HCRTR2: variants seen among roughly 807,000 people sequenced by gnomAD.
HCRTR2 encodes orexin receptor type 2.
Under a neutral mutation model 49.0 loss-of-function variants are expected in HCRTR2, and 22 were observed. The observed-to-expected ratio is 0.45, with a 90% CI of 0.32 to 0.64. The LOEUF (loss-of-function observed/expected upper bound fraction) is 0.64, where lower values mean the gene tolerates loss of function less well. Among genes scored for constraint, HCRTR2 ranks in the 30% least tolerant of loss-of-function variants. The pLI is 0.04. For synonymous variants in HCRTR2, 236 were observed against 205.3 expected (o/e 1.15, Z -1.28); for missense variants, 491 against 559.4 (o/e 0.88, Z 1.23).
At chr6:55,176,598 C>A (rs66476116) in intron 1 of HCRTR2, among the ~76,000 whole-genome samples, 24,847 of 152,066 alleles carry the variant, frequency 0.16, 2,334 homozygotes, top group Non-Finnish European at 0.22. Flanking sequence ...CCTTAAATAT[C>A]AAAATAACCC....
chr6:55,196,551 T>C (rs1027757397), intron 1 of HCRTR2, among the ~76,000 whole-genome samples: 1 of 152,184 alleles, frequency 6.6e-6, no homozygotes, highest in Admixed American at 6.5e-5. Context: ...AGAACCATGA[T>C]ACTAGTTTTA....
chr6:55,219,021 G>A (rs1361712995), intron 1 of HCRTR2, among the ~76,000 whole-genome samples: 4 of 152,048 alleles, frequency 2.6e-5, no homozygotes, highest in East Asian at 3.9e-4. Flanking sequence ...ATGAAGTCTC[G>A]TATATTGCCC....
At chr6:55,263,978 T>A in intron 4 of HCRTR2, 156 bp downstream of exon 4, 2 of 651,634 alleles carry the variant, frequency 3.1e-6, no homozygotes, top group Non-Finnish European at 5.5e-6. Flanking sequence ...TTCATAAAAG[T>A]ATTATATTGT....
At chr6:55,209,428 G>C (rs1237197297) in intron 1 of HCRTR2, among the ~76,000 whole-genome samples, 1 of 152,098 alleles carries the variant, frequency 6.6e-6, no homozygotes, top group Non-Finnish European at 1.5e-5. Context: ...TCATTGTTTT[G>C]GTTTTTGTTT....
chr6:55,203,782 C>T (rs1472899253), intron 1 of HCRTR2, among the ~76,000 whole-genome samples: 1 of 151,736 alleles, frequency 6.6e-6, no homozygotes, highest in Non-Finnish European at 1.5e-5. Context: ...ATACGAGTAA[C>T]AGTAAGAAAT....
intron 1 of HCRTR2, among the ~76,000 whole-genome samples, chr6:55,156,863 C>A (rs1289416943): frequency 6.6e-6 from 1 of 152,002 alleles, no homozygotes; most frequent in Non-Finnish European, 1.5e-5. Flanking sequence ...ATTCCACAGA[C>A]TAGGAATAGA....
chr6:55,187,819 C>T (rs1264399836), intron 1 of HCRTR2, among the ~76,000 whole-genome samples: 1 of 151,904 alleles, frequency 6.6e-6, no homozygotes. Context: ...CTCTGTCTCC[C>T]AGACTGGAGT....
At chr6:55,240,724 C>A in intron 1 of HCRTR2, 2 of 372,230 alleles carry the variant, frequency 5.4e-6, no homozygotes, top group South Asian at 2.0e-5. Flanking sequence ...AGATAATACT[C>A]CTGGTCAGCT....
intron 1 of HCRTR2, among the ~76,000 whole-genome samples, chr6:55,237,109 G>T (rs1766228847): frequency 6.6e-6 from 1 of 151,532 alleles, no homozygotes. Context: ...TGTGTTTCCA[G>T]TTCACATATT....
intron 1 of HCRTR2, among the ~76,000 whole-genome samples, chr6:55,150,826 G>A (rs1206597163): frequency 6.6e-6 from 1 of 151,876 alleles, no homozygotes; most frequent in Non-Finnish European, 1.5e-5. Context: ...TTGAAATTCT[G>A]ATTTCAATTC....
At chr6:55,221,022 A>G (rs1212103692) in intron 1 of HCRTR2, among the ~76,000 whole-genome samples, 1 of 152,234 alleles carries the variant, frequency 6.6e-6, no homozygotes, top group East Asian at 1.9e-4. Context: ...ACTGAAAACC[A>G]TAAAAGCATT....
At chr6:55,151,964 T>C (rs1764669862) in intron 1 of HCRTR2, among the ~76,000 whole-genome samples, 1 of 151,960 alleles carries the variant, frequency 6.6e-6, no homozygotes, top group African/African-American at 2.4e-5. Context: ...GAATCTTTTT[T>C]TCTAAACAGT....
chr6:55,217,404 TG>T (rs1765807769), intron 1 of HCRTR2, among the ~76,000 whole-genome samples: 1 of 152,182 alleles, frequency 6.6e-6, no homozygotes, highest in African/African-American at 2.4e-5. Context: ...GTCATGTTTT[TG>T]CTCCTGAATT....
intron 1 of HCRTR2, among the ~76,000 whole-genome samples, chr6:55,180,767 G>A (rs1043231586): frequency 6.6e-6 from 1 of 151,586 alleles, no homozygotes; most frequent in African/African-American, 2.4e-5. Flanking sequence ...AACAAATCAT[G>A]TTGCTATTGA....
chr6:55,155,706 A>G (rs1764721969), intron 1 of HCRTR2, among the ~76,000 whole-genome samples: 2 of 152,056 alleles, frequency 1.3e-5, no homozygotes, highest in African/African-American at 4.8e-5. Context: ...CATTATAGAA[A>G]AAAAGTTTGT....
Position 55,217,960 on chromosome 6 carries a change from G to A in HCRTR2, c.224-30679G>A, listed in dbSNP as rs558178647. Among the ~76,000 whole-genome samples the A allele has an allele frequency of 2.6e-5, 4 of 152,288 alleles. No individual in the cohort carries two copies. In the South Asian group the frequency reaches 8.3e-4, roughly 32 times the overall value. On this transcript the variant is annotated intron_variant, in intron 1 of 6. Transcript: ENST00000370862. ...GGATATACAGAAGGGGATTTGTTAG[G>A]GAAATTGGCTCACACAGTTATGGAG... is the stretch of plus-strand genomic sequence containing the variant.
intron 6 of HCRTR2, among the ~76,000 whole-genome samples, chr6:55,281,857 A>C (rs1348611668): frequency 6.6e-6 from 1 of 152,138 alleles, no homozygotes; most frequent in African/African-American, 2.4e-5. Flanking sequence ...GTATGACATA[A>C]GTTTCATTGT....
intron 1 of HCRTR2, among the ~76,000 whole-genome samples, chr6:55,179,371 TAAACCTA>T (rs1765093386): frequency 2.0e-5 from 3 of 152,200 alleles, no homozygotes; most frequent in Non-Finnish European, 4.4e-5. Context: ...TATTAGGCTT[TAAACCTA>T]TTGTGCATTT....
intron 1 of HCRTR2, among the ~76,000 whole-genome samples, chr6:55,128,538 A>T (rs576326701): frequency 6.6e-6 from 1 of 152,120 alleles, no homozygotes; most frequent in African/African-American, 2.4e-5. Context: ...ACAACATTGA[A>T]TCTTCCTATC....
Sources: gnomAD v4.1 joint callset for allele counts (sites outside exome capture counted in the v4.1 genomes callset) on GRCh38, gnomAD v4.1.1 for gene constraint, MANE v1.5 for transcripts, NCBI Gene and HGNC (gene_info 2026-07-23, HGNC 2026-07-21) for gene names.